ANTXR1: variants seen among roughly 807,000 people sequenced by gnomAD.
ANTXR1 encodes ANTXR cell adhesion molecule 1.
Under a neutral mutation model 78.1 loss-of-function variants are expected in ANTXR1, and 19 were observed. The ratio of observed to expected loss-of-function variants is 0.24; its 90% CI spans 0.17 to 0.36. The LOEUF (loss-of-function observed/expected upper bound fraction) is 0.36. Among genes scored for constraint, ANTXR1 ranks in the 10% least tolerant of loss-of-function variants. The pLI is 1.00. For synonymous variants in ANTXR1, 273 were observed against 260.5 expected, an observed-to-expected ratio of 1.05 and a Z score of -0.46; for missense variants, 518 against 718.6, an observed-to-expected ratio of 0.72 and a Z score of 3.19.
At position 69,246,468 on chromosome 2, in the gene ANTXR1, T is replaced by G. The variant is rs1558673650; in HGVS notation, c.*983T>G. 1 of 152,204 alleles carries G rather than the reference T, an allele frequency of 6.6e-6. No individual in the cohort carries two copies. The highest frequency in any genetic ancestry group is 1.5e-5 in the Non-Finnish European group (1 of 68,054). The allele number at this position is 152,204 out of a possible 1,614,324, so 9.4% of individuals were successfully genotyped here. The stretch of plus-strand genomic sequence containing the variant: ...CCTATCACACAATATCACTAGTTTT[T>G]TTTGTTTGTTTGTTTTTTGTTTTTT... On this transcript the variant is annotated 3_prime_UTR_variant, in exon 18 of 18. Coordinates refer to ENST00000303714, the MANE Select transcript of ANTXR1 (RefSeq NM_032208.3).
At chr2:69,070,306 A>G (rs1466161434) in intron 3 of ANTXR1, among the ~76,000 whole-genome samples, 2 of 152,016 alleles carry the variant, frequency 1.3e-5, no homozygotes, top group African/African-American at 4.8e-5. Flanking sequence ...AGCCATTTGT[A>G]TTGCTGCCTA....
intron 1 of ANTXR1, among the ~76,000 whole-genome samples, chr2:69,025,182 G>A (rs973944659): frequency 2.0e-5 from 3 of 152,044 alleles, no homozygotes; most frequent in Non-Finnish European, 4.4e-5. Flanking sequence ...CCTTTGAGAC[G>A]ATTACTAGTG....
At chr2:69,100,251 G>A (rs969176604) in intron 9 of ANTXR1, among the ~76,000 whole-genome samples, 1 of 152,228 alleles carries the variant, frequency 6.6e-6, no homozygotes, top group Non-Finnish European at 1.5e-5. Context: ...TAACGTCTAT[G>A]TGTGAAGAGC....
intron 17 of ANTXR1, among the ~76,000 whole-genome samples, chr2:69,205,984 C>T (rs770213418): frequency 1.3e-4 from 20 of 152,188 alleles, no homozygotes; most frequent in Non-Finnish European, 2.2e-4. Context: ...CAAATTCGTT[C>T]CTATAACATT....
At chr2:69,177,892 TCTC>T (rs1674175336) in intron 14 of ANTXR1, among the ~76,000 whole-genome samples, 1 of 152,156 alleles carries the variant, frequency 6.6e-6, no homozygotes, top group Non-Finnish European at 1.5e-5. Flanking sequence ...CTGCTCATCT[TCTC>T]ATTCCCCACA....
intron 3 of ANTXR1, among the ~76,000 whole-genome samples, chr2:69,046,455 T>C (rs935875541): frequency 2.6e-5 from 4 of 152,230 alleles, no homozygotes; most frequent in Non-Finnish European, 5.9e-5. Context: ...TACTGCTAGT[T>C]TCCTGTTCTG....
At chr2:69,074,423 G>T (rs1399662574) in intron 6 of ANTXR1, among the ~76,000 whole-genome samples, 1 of 152,176 alleles carries the variant, frequency 6.6e-6, no homozygotes. Flanking sequence ...TTAAGATAGG[G>T]ATTAGTGGGA....
At chr2:69,205,523 A>G (rs1674874484) in intron 17 of ANTXR1, among the ~76,000 whole-genome samples, 1 of 151,978 alleles carries the variant, frequency 6.6e-6, no homozygotes, top group South Asian at 2.1e-4. Flanking sequence ...GCACCAAGTT[A>G]ATTTTAACCA....
chr2:69,067,235 T>C (rs1670424941), intron 3 of ANTXR1, among the ~76,000 whole-genome samples: 1 of 151,412 alleles, frequency 6.6e-6, no homozygotes, highest in South Asian at 2.1e-4. Context: ...AACTAGTGAG[T>C]TCATATCTTG....
intron 17 of ANTXR1, among the ~76,000 whole-genome samples, chr2:69,234,989 T>TAA (rs551827542): frequency 1.5e-5 from 1 of 67,734 alleles, no homozygotes; most frequent in Admixed American, 1.6e-4. Context: ...ATAACATAAC[T>TAA]AAAAAAAAAA....
rs948709920 is a variant in ANTXR1 at position 69,247,281 on chromosome 2, G to A, written c.*1796G>A. On this transcript the variant is annotated 3_prime_UTR_variant, in exon 18 of 18. Coordinates refer to ENST00000303714, the MANE Select transcript of ANTXR1 (RefSeq NM_032208.3). ...GCAAAAACAAACAGGAGTTTCCAGG[G>A]AGAATGGGAAAGCCAGGGGGCATAA... The A allele has an allele frequency of 2.6e-5, 4 of 152,768 alleles. No homozygotes were observed. Among genetic ancestry groups the A allele is most frequent in the African/African-American group, 9.7e-5 (4 of 41,422 alleles). 9.5% of individuals were successfully genotyped at this position (152,768 alleles called of 1,614,324 possible). A position where few individuals can be genotyped will look rare whatever the true frequency, so the allele number is the denominator to read the frequency against.
intron 10 of ANTXR1, among the ~76,000 whole-genome samples, chr2:69,122,433 C>A (rs562125378): frequency 2.2e-4 from 34 of 152,264 alleles, no homozygotes; most frequent in African/African-American, 8.2e-4. Context: ...CTAATATTTT[C>A]TTGTTTCCCC....
chr2:69,211,369 A>T (rs1485240206), intron 17 of ANTXR1, among the ~76,000 whole-genome samples: 2 of 152,222 alleles, frequency 1.3e-5, no homozygotes, highest in African/African-American at 2.4e-5. Context: ...GAGCGGGATC[A>T]ACTGTGCCAG....
At position 69,199,721 on chromosome 2, in the gene ANTXR1, G is replaced by GA. The variant is rs374068668; in HGVS notation, c.1434+6308dup. On this transcript the variant is annotated intron_variant, in intron 17 of 17. Transcript: ENST00000303714. ...TCTGGGCACTTATAGGATCACCTGG[G>GA]AATCACAAAGCCTCCCCAGGTGATT... is the stretch of plus-strand genomic sequence containing the variant. Among the ~76,000 whole-genome samples, 1,382 of 152,232 alleles carry GA rather than the reference G, an allele frequency of 9.1e-3. 18 individuals carry two copies. Among genetic ancestry groups the GA allele is most frequent in the African/African-American group, 0.031 (1,275 of 41,524 alleles).
intron 1 of ANTXR1, among the ~76,000 whole-genome samples, chr2:69,031,026 T>C (rs140372668): frequency 1.3e-5 from 2 of 152,358 alleles, no homozygotes; most frequent in Admixed American, 6.5e-5. Flanking sequence ...TTTGTTCATG[T>C]ACTATCAATA....
chr2:69,101,900 CA>C (rs1235345535), intron 9 of ANTXR1, among the ~76,000 whole-genome samples: 1 of 152,186 alleles, frequency 6.6e-6, no homozygotes, highest in Non-Finnish European at 1.5e-5. Context: ...CAAATATTCC[CA>C]AACATTTAGC....
chr2:69,222,974 A>G (rs1675357508), intron 17 of ANTXR1, among the ~76,000 whole-genome samples: 1 of 152,218 alleles, frequency 6.6e-6, no homozygotes, highest in East Asian at 1.9e-4. Flanking sequence ...TATTTATTTA[A>G]AGAATGCACG....
intron 1 of ANTXR1, among the ~76,000 whole-genome samples, chr2:69,016,479 T>C (rs1671029309): frequency 6.6e-6 from 1 of 151,754 alleles, no homozygotes. Context: ...GGATTACATG[T>C]GTCTAACAGC....
At chr2:69,222,821 G>A (rs1558656587) in intron 17 of ANTXR1, among the ~76,000 whole-genome samples, 1 of 152,244 alleles carries the variant, frequency 6.6e-6, no homozygotes, top group South Asian at 2.1e-4. Context: ...GACATTTGTG[G>A]TGTATAAACC....
Sources: allele counts gnomAD v4.1 joint callset (sites outside exome capture counted in the v4.1 genomes callset), GRCh38; gene constraint gnomAD v4.1.1; transcripts MANE v1.5; gene names NCBI Gene and HGNC (gene_info 2026-07-23, HGNC 2026-07-21).